The following CAMK2D variants were observed in gnomAD, a reference collection of about 807,000 sequenced individuals.
CAMK2D encodes the protein calcium/calmodulin-dependent protein kinase type II subunit delta.
In CAMK2D, 37 loss-of-function variants were observed where a neutral mutation model predicts 84.0. That is an observed-to-expected ratio of 0.44 (90% CI 0.34 to 0.58). CAMK2D has a LOEUF of 0.58. Among genes scored for constraint, CAMK2D ranks in the 20% least tolerant of loss-of-function variants. CAMK2D has a pLI of 0.02. For synonymous variants in CAMK2D, 202 were observed against 212.5 expected (o/e 0.95, Z 0.43); for missense variants, 448 against 652.5 (o/e 0.69, Z 3.41).
At chr4:113,720,640 T>C (rs1475459679) in intron 2 of CAMK2D, among the ~76,000 whole-genome samples, 1 of 152,082 alleles carries the variant, frequency 6.6e-6, no homozygotes, top group Non-Finnish European at 1.5e-5. Flanking sequence ...TTATTTCAGC[T>C]GCTTATGAAA....
chr4:113,637,229 A>T (rs1228955600), intron 3 of CAMK2D, among the ~76,000 whole-genome samples: 1 of 152,238 alleles, frequency 6.6e-6, no homozygotes, highest in Non-Finnish European at 1.5e-5. Flanking sequence ...TGTACAGAAG[A>T]GTACCTAACA....
intron 17 of CAMK2D, among the ~76,000 whole-genome samples, chr4:113,462,888 C>T (rs1472698985): frequency 2.0e-5 from 3 of 151,902 alleles, no homozygotes; most frequent in Non-Finnish European, 4.4e-5. Context: ...TAATCTTATT[C>T]TTTGGATAAT....
chr4:113,651,823 G>T (rs970078441), intron 3 of CAMK2D, among the ~76,000 whole-genome samples: 2 of 152,020 alleles, frequency 1.3e-5, no homozygotes, highest in African/African-American at 4.8e-5. Flanking sequence ...TTAATTCAGG[G>T]CCAGATGTGA....
chr4:113,567,365 AC>A (rs1183614120), intron 4 of CAMK2D, among the ~76,000 whole-genome samples: 2 of 151,808 alleles, frequency 1.3e-5, no homozygotes, highest in Non-Finnish European at 2.9e-5. Context: ...ACGGGGTTTC[AC>A]CATGTTGCCC....
intron 2 of CAMK2D, among the ~76,000 whole-genome samples, chr4:113,694,936 T>G (rs1351789455): frequency 1.3e-5 from 2 of 152,176 alleles, no homozygotes. Flanking sequence ...TGTTTATAGA[T>G]TGATTCATGA....
intron 4 of CAMK2D, among the ~76,000 whole-genome samples, chr4:113,574,997 T>A (rs533063762): frequency 4.9e-4 from 74 of 152,260 alleles, no homozygotes; most frequent in Admixed American, 9.8e-4. Context: ...GAACACAGCA[T>A]CTGTGCACTC....
In CAMK2D at chr4:113,601,683, C is replaced by CTTT. The variant is rs755850795; in HGVS notation, c.275+7466_275+7468dup. On this transcript the variant is annotated intron_variant, in intron 4 of 20. Transcript: ENST00000511664. ...ATTTTATGTAGATTAACTGTTTATT[C>CTTT]TTTTTTTTTTTTTTTTTTTTTTTTT... is the stretch of plus-strand genomic sequence containing the variant. Among the ~76,000 whole-genome samples, 40 of 45,820 alleles carry CTTT rather than the reference C, an allele frequency of 8.7e-4. 2 individuals carry two copies. The highest frequency in any genetic ancestry group is 3.5e-3 in the African/African-American group (37 of 10,476). 30.1% of individuals were successfully genotyped at this position (45,820 alleles called of 152,430 possible). A position where few individuals can be genotyped will look rare whatever the true frequency, so the allele number is the denominator to read the frequency against.
At chr4:113,700,822 C>T (rs540396839) in intron 2 of CAMK2D, among the ~76,000 whole-genome samples, 2 of 152,188 alleles carry the variant, frequency 1.3e-5, no homozygotes, top group East Asian at 3.9e-4. Context: ...GCCAGGCCAC[C>T]CTTTAGATGA....
At chr4:113,693,319 G>C (rs1016018084) in intron 2 of CAMK2D, among the ~76,000 whole-genome samples, 1 of 152,082 alleles carries the variant, frequency 6.6e-6, no homozygotes, top group South Asian at 2.1e-4. Context: ...AAGCCAAAGA[G>C]GGCCTTAGCT....
At chr4:113,580,724 T>C (rs2098804144) in intron 4 of CAMK2D, among the ~76,000 whole-genome samples, 1 of 152,134 alleles carries the variant, frequency 6.6e-6, no homozygotes, top group Non-Finnish European at 1.5e-5. Flanking sequence ...ATGATAATAA[T>C]GGCAACTACT....
chr4:113,555,023 G>T (rs1161502619), intron 4 of CAMK2D, among the ~76,000 whole-genome samples: 1 of 152,060 alleles, frequency 6.6e-6, no homozygotes, highest in Non-Finnish European at 1.5e-5. Context: ...ATTTGTTACT[G>T]TTGTTATTTA....
intron 2 of CAMK2D, chr4:113,759,073 T>A (rs1352941161): frequency 4.0e-6 from 1 of 251,918 alleles, no homozygotes; most frequent in Non-Finnish European, 7.4e-6. Flanking sequence ...AATATAGTTA[T>A]TCATGCTATT....
intron 17 of CAMK2D, among the ~76,000 whole-genome samples, chr4:113,462,330 G>GTCTATCTATCTATCTATCTATCTA (rs1295226081): frequency 8.5e-5 from 11 of 129,444 alleles, no homozygotes; most frequent in South Asian, 2.6e-4. Flanking sequence ...CTGTCTGTCT[G>GTCTATCTATCTATCTATCTATCTA]TCTGTCTGTC....
At chr4:113,760,388 C>T (rs535386866) in intron 1 of CAMK2D, among the ~76,000 whole-genome samples, 2 of 152,236 alleles carry the variant, frequency 1.3e-5, no homozygotes, top group African/African-American at 4.8e-5. Context: ...TGATGGTGAG[C>T]GGTAATCTGG....
intron 3 of CAMK2D, among the ~76,000 whole-genome samples, chr4:113,638,366 T>C (rs961959513): frequency 2.6e-5 from 4 of 151,566 alleles, no homozygotes; most frequent in South Asian, 4.2e-4. Flanking sequence ...AAAAATGAGA[T>C]AGAGGTTTGG....
At chr4:113,646,298 A>T (rs2154298165) in intron 3 of CAMK2D, among the ~76,000 whole-genome samples, 1 of 152,372 alleles carries the variant, frequency 6.6e-6, no homozygotes, top group East Asian at 1.9e-4. Flanking sequence ...TATTGAGCGC[A>T]GACTCTACGG....
chr4:113,524,108 G>A (rs1321286192), intron 8 of CAMK2D, among the ~76,000 whole-genome samples: 1 of 152,146 alleles, frequency 6.6e-6, no homozygotes, highest in East Asian at 1.9e-4. Context: ...CTGGGCTCAA[G>A]TGATTCTCCC....
At chr4:113,582,586 G>A (rs1463731679) in intron 4 of CAMK2D, among the ~76,000 whole-genome samples, 1 of 151,504 alleles carries the variant, frequency 6.6e-6, no homozygotes, top group Admixed American at 6.6e-5. Flanking sequence ...TCTTACTGAG[G>A]AACTTTCCTT....
In CAMK2D at chr4:113,532,559, A is replaced by G. The variant is rs547899837; in HGVS notation, c.518-1260T>C. Among the ~76,000 whole-genome samples the G allele has an allele frequency of 2.0e-5, 3 of 152,294 alleles. No homozygotes were observed. In the South Asian group the frequency reaches 6.2e-4, roughly 32 times the overall value. On this transcript the variant is annotated intron_variant, in intron 7 of 20. Transcript: ENST00000511664. The stretch of plus-strand genomic sequence containing the variant: ...TCTGTGAATTCCAAGGTAGAGATGG[A>G]CACAATTGTTTTAAAGAGTTTGCCA...
Sources: allele counts gnomAD v4.1 joint callset (sites outside exome capture counted in the v4.1 genomes callset), GRCh38; gene constraint gnomAD v4.1.1; transcripts MANE v1.5; gene names NCBI Gene and HGNC (gene_info 2026-07-23, HGNC 2026-07-21).